Variants in UBE3C observed in about 807,000 individuals in gnomAD.
UBE3C encodes the protein ubiquitin protein ligase E3C.
A neutral mutation model predicts 129.4 loss-of-function variants in UBE3C; 42 were observed. That is an observed-to-expected ratio of 0.32 (90% CI 0.25 to 0.42). The LOEUF is 0.42. Among genes scored for constraint, UBE3C ranks in the 10% least tolerant of loss-of-function variants. The pLI, the probability that UBE3C is intolerant of heterozygous loss-of-function variation, is 1.00. For missense variants in UBE3C, 1,049 were observed against 1,319.1 expected, an observed-to-expected ratio of 0.80 and a Z score of 3.17; for synonymous variants, 510 against 492.4, an observed-to-expected ratio of 1.04 and a Z score of -0.47.
intron 8 of UBE3C, among the ~76,000 whole-genome samples, 153 bp from the exon 9 acceptor site, chr7:157,183,725 T>G (rs1418009993): frequency 6.6e-6 from 1 of 152,206 alleles, no homozygotes; most frequent in African/African-American, 2.4e-5. Flanking sequence ...GGACAAAATC[T>G]AAATATGTTT....
At chr7:157,208,053 G>A (rs1809485556) in intron 13 of UBE3C, 118 bp downstream of exon 13, 1 of 89,498 alleles carries the variant, frequency 1.1e-5, no homozygotes, top group Non-Finnish European at 2.5e-5. Context: ...TAATTTGCAA[G>A]ACTTTTTTTT....
At chr7:157,170,736 C>G (rs1312075529) in intron 4 of UBE3C, among the ~76,000 whole-genome samples, 1 of 152,122 alleles carries the variant, frequency 6.6e-6, no homozygotes, top group Non-Finnish European at 1.5e-5. Context: ...TATCATGTAC[C>G]CTGACACAGC....
chr7:157,160,623 T>G (rs1308952422), intron 1 of UBE3C, among the ~76,000 whole-genome samples: 3 of 152,210 alleles, frequency 2.0e-5, no homozygotes, highest in African/African-American at 7.2e-5. Flanking sequence ...ATGTCTTAGT[T>G]GGTGTCTGCA....
At chr7:157,243,601 T>C (rs114494506) in intron 18 of UBE3C, among the ~76,000 whole-genome samples, 3,785 of 152,260 alleles carry the variant, frequency 0.025, 174 homozygotes, top group African/African-American at 0.087. Flanking sequence ...CTCCTGCTGC[T>C]GTTCCTGCAT....
chr7:157,142,745 G>T (rs1168454307), intron 1 of UBE3C, among the ~76,000 whole-genome samples: 1 of 152,096 alleles, frequency 6.6e-6, no homozygotes, highest in East Asian at 1.9e-4. Flanking sequence ...TGGTAACTGT[G>T]CTCACTCCCC....
At chr7:157,160,972 G>C (rs1428125761) in intron 1 of UBE3C, among the ~76,000 whole-genome samples, 1 of 152,130 alleles carries the variant, frequency 6.6e-6, no homozygotes, top group East Asian at 1.9e-4. Flanking sequence ...GTAATCATGA[G>C]AGTATTGGAA....
Position 157,191,521 on chromosome 7 carries a change from G to A in UBE3C, c.1331+4500G>A, listed in dbSNP as rs773183534. Reference sequence around the variant, plus strand: ...GCCTAGGCTGGTCTCGAACACCTGGGCCCAAGTAATCTGCTTGTCTCAGCC... The same window carrying A: ...GCCTAGGCTGGTCTCGAACACCTGGACCCAAGTAATCTGCTTGTCTCAGCC... On this transcript the variant is annotated intron_variant, in intron 10 of 22. Coordinates refer to ENST00000348165, the MANE Select transcript of UBE3C (RefSeq NM_014671.3). Among the ~76,000 whole-genome samples, 11 of 152,144 alleles carry A rather than the reference G, an allele frequency of 7.2e-5. No individual in the cohort carries two copies. In the South Asian group the frequency reaches 8.3e-4, roughly 11 times the overall value.
Position 157,170,331 on chromosome 7 carries a change from C to T in UBE3C, c.223C>T (p.Arg75Cys), listed in dbSNP as rs751342388. 97 of 1,524,216 alleles carry T rather than the reference C, an allele frequency of 6.4e-5. No homozygotes were observed. The highest frequency in any genetic ancestry group is 7.9e-5 in the Non-Finnish European group (90 of 1,140,294). 94.4% of individuals were successfully genotyped at this position (1,524,216 alleles called of 1,614,324 possible). A position where few individuals can be genotyped will look rare whatever the true frequency, so the allele number is the denominator to read the frequency against. Reference protein sequence around the residue: ...QYSIQRSAFDRCATLSQSGGA... With the variant: ...QYSIQRSAFDCCATLSQSGGA... ...TTCCATCCAAAGAAGTGCATTTGAT[C>T]GCTGTGCTACCTTGTCACAGTCCGG... The change falls in exon 4 of 23, where the codon CGC (arginine) becomes TGC (cysteine). Residue 75 changes from arginine (R) to cysteine (C), a missense_variant. Transcript: ENST00000348165.
At chr7:157,254,971 G>A (rs1471440744) in intron 21 of UBE3C, among the ~76,000 whole-genome samples, 3 of 112,530 alleles carry the variant, frequency 2.7e-5, no homozygotes, top group South Asian at 2.8e-4. Context: ...CTGCAGTCCC[G>A]GCGTGGTGGC....
chr7:157,172,762 A>G (rs1210100275), intron 4 of UBE3C, among the ~76,000 whole-genome samples: 1 of 152,216 alleles, frequency 6.6e-6, no homozygotes, highest in African/African-American at 2.4e-5. Flanking sequence ...TTTCTGGAAC[A>G]GGATGTCCTG....
At position 157,267,721 on chromosome 7, in the gene UBE3C, C is replaced by T. The variant is rs927747841; in HGVS notation, c.3218C>T (p.Ala1073Val). ...CTTTTGCGAAGTAAACTTCTCTATG[C>T]GATTGAATGTGCCGCTGGCTTTGAG... is the stretch of plus-strand genomic sequence containing the variant. ...ETLLRSKLLY[A>V]IECAAGFELS The change falls in exon 23 of 23, where the codon GCG (alanine) becomes GTG (valine). Residue 1073 changes from alanine to valine, a missense_variant. Transcript: ENST00000348165. 6.2e-7 allele frequency: 1 copy of T among 1,611,538 alleles called. No individual in the cohort carries two copies.
At chr7:157,244,575 T>C (rs1796428072) in intron 18 of UBE3C, among the ~76,000 whole-genome samples, 1 of 152,228 alleles carries the variant, frequency 6.6e-6, no homozygotes, top group Non-Finnish European at 1.5e-5. Context: ...TTGATAGAGA[T>C]GCATTTGAAA....
chr7:157,199,461 T>TTTTTA (rs1236497048), intron 10 of UBE3C, among the ~76,000 whole-genome samples: 45 of 151,976 alleles, frequency 3.0e-4, no homozygotes, highest in African/African-American at 1.0e-3. Flanking sequence ...ATTTTTTTTA[T>TTTTTA]TTTTATTTTA....
At chr7:157,229,311 A>G (rs1182447) in intron 17 of UBE3C, among the ~76,000 whole-genome samples, 129,724 of 152,190 alleles carry the variant, frequency 0.85, 55,370 homozygotes, top group East Asian at 0.99. Context: ...TTGGTTTTGG[A>G]TTTTTGTTTG....
intron 18 of UBE3C, among the ~76,000 whole-genome samples, chr7:157,247,947 A>G (rs1796524258): frequency 6.6e-6 from 1 of 152,118 alleles, no homozygotes. Context: ...AATAGGGTCC[A>G]ATAGCTGCGA....
At chr7:157,181,433 G>T (rs2301916) in intron 6 of UBE3C, 85 bp from the exon 7 acceptor site, 471,591 of 1,239,456 alleles carry the variant, frequency 0.38, 97,603 homozygotes, top group African/African-American at 0.81. Context: ...CTGTAGAGAT[G>T]GTTAAAAGCA....
chr7:157,159,205 A>G (rs897975610), intron 1 of UBE3C, among the ~76,000 whole-genome samples: 1 of 152,196 alleles, frequency 6.6e-6, no homozygotes, highest in Non-Finnish European at 1.5e-5. Flanking sequence ...ACCATGGCAT[A>G]CACACCATGA....
intron 18 of UBE3C, among the ~76,000 whole-genome samples, chr7:157,238,574 G>A (rs1417826420): frequency 6.6e-6 from 1 of 152,138 alleles, no homozygotes; most frequent in African/African-American, 2.4e-5. Context: ...ACTAAGCTGG[G>A]AAAGGTGCGG....
At chr7:157,199,769 C>G (rs895712416) in intron 10 of UBE3C, among the ~76,000 whole-genome samples, 1 of 152,162 alleles carries the variant, frequency 6.6e-6, no homozygotes, top group Non-Finnish European at 1.5e-5. Context: ...CCAGGTCCAG[C>G]CATATTTCAG....
Sources: gnomAD v4.1 joint callset for allele counts (sites outside exome capture counted in the v4.1 genomes callset) on GRCh38, gnomAD v4.1.1 for gene constraint, MANE v1.5 for transcripts, NCBI Gene and HGNC (gene_info 2026-07-23, HGNC 2026-07-21) for gene names.